TYW1: variants seen among roughly 807,000 people sequenced by gnomAD.
TYW1 encodes the protein S-adenosyl-L-methionine-dependent tRNA 4-demethylwyosine synthase TYW1.
Under a neutral mutation model 96.2 loss-of-function variants are expected in TYW1, and 46 were observed. The ratio of observed to expected loss-of-function variants is 0.48; its 90% CI spans 0.38 to 0.61. The LOEUF (loss-of-function observed/expected upper bound fraction) is 0.61. Ranked by LOEUF, TYW1 falls within the 20% of genes least tolerant of loss-of-function variation. The probability of loss-of-function intolerance (pLI) is 0.00; values close to 1 mark genes in which losing one functional copy is unlikely to be tolerated. For missense variants in TYW1, 684 were observed against 909.6 expected, an observed-to-expected ratio of 0.75 and a Z score of 3.19; for synonymous variants, 274 against 323.0, an observed-to-expected ratio of 0.85 and a Z score of 1.63.
intron 7 of TYW1, among the ~76,000 whole-genome samples, chr7:67,026,153 A>G (rs923140806): frequency 6.6e-6 from 1 of 152,154 alleles, no homozygotes; most frequent in Admixed American, 6.5e-5. Flanking sequence ...GCTCACTGCA[A>G]CCTCTGCCTC....
intron 15 of TYW1, among the ~76,000 whole-genome samples, chr7:67,198,561 A>G (rs1800483485): frequency 6.6e-6 from 1 of 151,936 alleles, no homozygotes; most frequent in Non-Finnish European, 1.5e-5. Context: ...AAAAAAAAAA[A>G]AAGAAGATAT....
intron 13 of TYW1, among the ~76,000 whole-genome samples, chr7:67,174,574 G>A (rs2690176): frequency 0.48 from 70,950 of 148,806 alleles, 17,279 homozygotes; most frequent in Middle Eastern, 0.59. Flanking sequence ...TGCATATATT[G>A]AGAAGTTAAT....
chr7:67,035,069 T>C (rs1275235840), intron 7 of TYW1, among the ~76,000 whole-genome samples: 1 of 152,134 alleles, frequency 6.6e-6, no homozygotes, highest in African/African-American at 2.4e-5. Context: ...ATTTTGTGTT[T>C]ATTGTTCATT....
chr7:67,102,058 T>C (rs1213642314), intron 12 of TYW1, among the ~76,000 whole-genome samples: 17 of 152,174 alleles, frequency 1.1e-4, no homozygotes, highest in Admixed American at 1.0e-3. Flanking sequence ...GATAGAATGG[T>C]GTTTGGGGTA....
At chr7:67,127,916 C>A (rs541989037) in intron 13 of TYW1, among the ~76,000 whole-genome samples, 2 of 152,238 alleles carry the variant, frequency 1.3e-5, no homozygotes, top group South Asian at 4.1e-4. Flanking sequence ...AAGTTGAAAT[C>A]ATTCTTTCCT....
chr7:67,033,031 C>T (rs999318123), intron 7 of TYW1, among the ~76,000 whole-genome samples: 50 of 150,572 alleles, frequency 3.3e-4, no homozygotes, highest in African/African-American at 1.2e-3. Flanking sequence ...TGAGTAGCTG[C>T]GATTACAGGT....
At chr7:67,082,074 T>A (rs772626563) in intron 10 of TYW1, among the ~76,000 whole-genome samples, 3 of 151,856 alleles carry the variant, frequency 2.0e-5, no homozygotes, top group Non-Finnish European at 4.4e-5. Flanking sequence ...TCTCTCTGAG[T>A]TTCCTTAAGA....
At chr7:67,109,349 T>G (rs2115924375) in intron 12 of TYW1, among the ~76,000 whole-genome samples, 1 of 151,432 alleles carries the variant, frequency 6.6e-6, no homozygotes, top group African/African-American at 2.4e-5. Context: ...ATATGTGGGT[T>G]GGATGTCAGC....
At chr7:67,126,060 A>G (rs34971936) in intron 13 of TYW1, among the ~76,000 whole-genome samples, 52 of 151,220 alleles carry the variant, frequency 3.4e-4, no homozygotes, top group African/African-American at 1.2e-3. Context: ...TAAATTTTCA[A>G]CTCCTTGGAG....
chr7:67,064,739 A>G (rs1259842340), intron 9 of TYW1, among the ~76,000 whole-genome samples: 1 of 152,218 alleles, frequency 6.6e-6, no homozygotes, highest in Non-Finnish European at 1.5e-5. Flanking sequence ...ATTCTGGGAG[A>G]TAAATTCAAG....
intron 9 of TYW1, among the ~76,000 whole-genome samples, chr7:67,058,122 G>A (rs1795582547): frequency 6.6e-6 from 1 of 152,066 alleles, no homozygotes; most frequent in South Asian, 2.1e-4. Flanking sequence ...TTTTAGTAGA[G>A]ACAGGGTTTC....
intron 13 of TYW1, among the ~76,000 whole-genome samples, chr7:67,136,658 T>C (rs1169760694): frequency 3.4e-5 from 2 of 58,552 alleles, no homozygotes; most frequent in Admixed American, 2.0e-4. Flanking sequence ...TGCGTGTGTG[T>C]GTGTGTGTGT....
At chr7:67,210,842 CA>C (rs775597284) in intron 15 of TYW1, among the ~76,000 whole-genome samples, 17 of 150,858 alleles carry the variant, frequency 1.1e-4, no homozygotes, top group Admixed American at 2.6e-4. Flanking sequence ...ATCCATCTAT[CA>C]ATCCATCCAT....
chr7:67,049,457 C>G (rs577432024), intron 7 of TYW1, among the ~76,000 whole-genome samples: 65 of 152,092 alleles, frequency 4.3e-4, no homozygotes, highest in South Asian at 1.2e-3. Context: ...AGATTGTTGT[C>G]TCATTGGGAT....
At chr7:67,196,121 G>A (rs1275378979) in intron 15 of TYW1, among the ~76,000 whole-genome samples, 5 of 151,606 alleles carry the variant, frequency 3.3e-5, no homozygotes, top group Admixed American at 6.6e-5. Context: ...ATTTTGGGTA[G>A]TTTCTATTGA....
At chr7:67,208,525 A>C (rs1800888017) in intron 15 of TYW1, among the ~76,000 whole-genome samples, 1 of 151,740 alleles carries the variant, frequency 6.6e-6, no homozygotes, top group Non-Finnish European at 1.5e-5. Context: ...CCCCATCTCT[A>C]CTATAAATAC....
intron 13 of TYW1, among the ~76,000 whole-genome samples, chr7:67,130,710 T>C (rs1328543434): frequency 6.6e-6 from 1 of 151,658 alleles, no homozygotes; most frequent in Non-Finnish European, 1.5e-5. Context: ...AATATAACAC[T>C]CCAACACTCT....
intron 15 of TYW1, 64 bp downstream of exon 15, chr7:67,195,401 C>G: frequency 6.2e-7 from 1 of 1,604,840 alleles, no homozygotes; most frequent in Non-Finnish European, 8.5e-7. Flanking sequence ...CTTCTCTTCT[C>G]TCTTTATTTT....
intron 13 of TYW1, among the ~76,000 whole-genome samples, chr7:67,136,977 C>T (rs1310873330): frequency 6.6e-6 from 1 of 151,202 alleles, no homozygotes; most frequent in Non-Finnish European, 1.5e-5. Flanking sequence ...TGCCTGCCAC[C>T]ACACCCGGCT....
Sources: allele counts gnomAD v4.1 joint callset (sites outside exome capture counted in the v4.1 genomes callset), GRCh38; gene constraint gnomAD v4.1.1; transcripts MANE v1.5; gene names NCBI Gene and HGNC (gene_info 2026-07-23, HGNC 2026-07-21).